The following TMEM132C variants were observed in gnomAD, a reference collection of about 807,000 sequenced individuals.
TMEM132C encodes transmembrane protein 132C.
Under a neutral mutation model 61.4 loss-of-function variants are expected in TMEM132C, and 29 were observed. The ratio of observed to expected loss-of-function variants is 0.47; its 90% CI spans 0.35 to 0.64. The LOEUF (loss-of-function observed/expected upper bound fraction) is 0.64, where lower values mean the gene tolerates loss of function less well. TMEM132C is among the 30% of genes least tolerant of loss of function. TMEM132C has a pLI of 0.00. For synonymous variants in TMEM132C, 656 were observed against 633.1 expected (o/e 1.04, Z -0.54); for missense variants, 1,408 against 1,476.9 (o/e 0.95, Z 0.76).
intron 2 of TMEM132C, among the ~76,000 whole-genome samples, chr12:128,452,601 T>G (rs370428634): frequency 0.028 from 4,148 of 149,920 alleles, 186 homozygotes; most frequent in African/African-American, 0.094. Flanking sequence ...GGGGGCCGGG[T>G]GCTGAGGTAG....
intron 2 of TMEM132C, among the ~76,000 whole-genome samples, chr12:128,540,757 G>A (rs772016273): frequency 6.6e-6 from 1 of 152,100 alleles, no homozygotes; most frequent in Admixed American, 6.6e-5. Flanking sequence ...TTCTCCCATC[G>A]GCAAGTGAGT....
intron 2 of TMEM132C, among the ~76,000 whole-genome samples, chr12:128,498,887 G>A (rs1395343393): frequency 6.6e-6 from 1 of 152,024 alleles, no homozygotes; most frequent in Non-Finnish European, 1.5e-5. Context: ...CTGAATAAAT[G>A]TAAAAACATC....
At chr12:128,328,885 G>A (rs1256197590) in intron 1 of TMEM132C, among the ~76,000 whole-genome samples, 1 of 151,940 alleles carries the variant, frequency 6.6e-6, no homozygotes, top group Non-Finnish European at 1.5e-5. Context: ...AAGTAGCTAA[G>A]GTTGTCGGAC....
intron 5 of TMEM132C, among the ~76,000 whole-genome samples, chr12:128,677,296 A>T (rs1954598176): frequency 6.6e-6 from 1 of 152,162 alleles, no homozygotes; most frequent in Non-Finnish European, 1.5e-5. Flanking sequence ...TGTGCCGGCC[A>T]TTTTCTAGGT....
chr12:128,402,814 G>A (rs1875214369), intron 1 of TMEM132C, among the ~76,000 whole-genome samples: 1 of 152,222 alleles, frequency 6.6e-6, no homozygotes, highest in Non-Finnish European at 1.5e-5. Context: ...ATTTCCCTCT[G>A]TGCCTACCTA....
At position 128,577,587 on chromosome 12, in the gene TMEM132C, A is replaced by C. The variant is rs1027522714; in HGVS notation, c.1121+33484A>C. ...AGCCTTGAAAATGTTCCTTTCGGAA[A>C]CTAATTGGCCCATCAAGGGATTGAA... is the stretch of plus-strand genomic sequence containing the variant. On this transcript the variant is annotated intron_variant, in intron 3 of 8. Coordinates refer to ENST00000435159, the MANE Select transcript of TMEM132C (RefSeq NM_001136103.3). 3.2e-4 allele frequency among the ~76,000 whole-genome samples: 49 copies of C among 152,242 alleles called. 1 individual carries two copies. The highest frequency in any genetic ancestry group is 3.2e-3 in the Middle Eastern group (1 of 316).
chr12:128,356,349 A>G (rs1010694103), intron 1 of TMEM132C, among the ~76,000 whole-genome samples: 5 of 152,214 alleles, frequency 3.3e-5, no homozygotes, highest in Non-Finnish European at 4.4e-5. Context: ...GGCAGGATCC[A>G]CAGGCTCTGG....
intron 3 of TMEM132C, among the ~76,000 whole-genome samples, chr12:128,598,908 G>A (rs1205546903): frequency 6.6e-6 from 1 of 152,106 alleles, no homozygotes; most frequent in African/African-American, 2.4e-5. Flanking sequence ...GGCTTGTCTA[G>A]TTTCAATCCA....
At chr12:128,650,845 C>A (rs536227400) in intron 4 of TMEM132C, among the ~76,000 whole-genome samples, 1 of 152,286 alleles carries the variant, frequency 6.6e-6, no homozygotes, top group East Asian at 1.9e-4. Flanking sequence ...CTTGAAATGT[C>A]CCATTTACAT....
chr12:128,393,201 C>T (rs1874826785), intron 1 of TMEM132C, among the ~76,000 whole-genome samples: 1 of 152,214 alleles, frequency 6.6e-6, no homozygotes, highest in Non-Finnish European at 1.5e-5. Context: ...CAATCTTCCT[C>T]TTTTGAAATA....
At chr12:128,439,627 G>C (rs925946064) in intron 2 of TMEM132C, among the ~76,000 whole-genome samples, 1 of 152,036 alleles carries the variant, frequency 6.6e-6, no homozygotes, top group East Asian at 1.9e-4. Flanking sequence ...TTTTTCAGCA[G>C]GATGAAGCAA....
At chr12:128,378,814 G>A (rs1468497550) in intron 1 of TMEM132C, among the ~76,000 whole-genome samples, 3 of 152,174 alleles carry the variant, frequency 2.0e-5, no homozygotes, top group East Asian at 1.9e-4. Flanking sequence ...CCCACGTATC[G>A]TGGGAGGGAC....
chr12:128,656,361 C>T (rs1022937912), intron 4 of TMEM132C, among the ~76,000 whole-genome samples: 1 of 152,164 alleles, frequency 6.6e-6, no homozygotes, highest in African/African-American at 2.4e-5. Flanking sequence ...TAGCAAATGG[C>T]TTTTATGTCC....
intron 2 of TMEM132C, among the ~76,000 whole-genome samples, chr12:128,483,936 G>C (rs1472684730): frequency 6.6e-6 from 1 of 152,134 alleles, no homozygotes; most frequent in Non-Finnish European, 1.5e-5. Context: ...ACTCTACATT[G>C]CTGTGATCTA....
chr12:128,491,801 C>T (rs956483995), intron 2 of TMEM132C, among the ~76,000 whole-genome samples: 24 of 152,066 alleles, frequency 1.6e-4, no homozygotes, highest in African/African-American at 5.5e-4. Flanking sequence ...CTGCTTACCC[C>T]ACTGTCCTCT....
chr12:128,688,140 A>C lies in TMEM132C; in HGVS notation c.1450-5689A>C, dbSNP rs146369651. 5.1e-4 allele frequency among the ~76,000 whole-genome samples: 78 copies of C among 152,344 alleles called. No individual in the cohort carries two copies. The East Asian group carries it at 9.3e-3, about 18-fold the overall frequency. On this transcript the variant is annotated intron_variant, in intron 5 of 8. Transcript: ENST00000435159. ...CACGGGCATGCCACAGTTGCTGGAC[A>C]GTGGCCTCTCTCAGCACCTGCCTTT...
chr12:128,480,163 G>A (rs1871274835), intron 2 of TMEM132C, among the ~76,000 whole-genome samples: 1 of 152,156 alleles, frequency 6.6e-6, no homozygotes, highest in African/African-American at 2.4e-5. Flanking sequence ...TGGAAGCTGA[G>A]GTGCAAAGAT....
Position 128,414,803 on chromosome 12 carries a change from T to C in TMEM132C, c.157T>C (p.Tyr53His). 1 of 1,542,668 alleles carries C rather than the reference T, an allele frequency of 6.5e-7. No individual in the cohort carries two copies. The highest frequency in any genetic ancestry group is 8.7e-7 in the Non-Finnish European group (1 of 1,146,924). The change falls in exon 2 of 9, where the codon TAC (tyrosine) becomes CAC (histidine). Residue 53 changes from tyrosine to histidine, a missense_variant. Physicochemically the swap from Tyr to His is moderately conservative, Grantham distance 83 (BLOSUM62 2). Transcript: ENST00000435159. ...SSLPPYLPVS[Y>H]HILRAETSFF... ...ACTGCCACCTTACCTACCTGTGAGCTACCACATCCTCAGAGCAGAGACCTC... is the reference window on the plus strand; with the variant it reads ...ACTGCCACCTTACCTACCTGTGAGCCACCACATCCTCAGAGCAGAGACCTC...
intron 2 of TMEM132C, among the ~76,000 whole-genome samples, chr12:128,450,187 G>T (rs1870132140): frequency 6.6e-6 from 1 of 152,190 alleles, no homozygotes; most frequent in Non-Finnish European, 1.5e-5. Context: ...TGGCTCATTT[G>T]ACGGAGGAAC....
Sources: gnomAD v4.1 joint callset for allele counts (sites outside exome capture counted in the v4.1 genomes callset) on GRCh38, gnomAD v4.1.1 for gene constraint, MANE v1.5 for transcripts, NCBI Gene and HGNC (gene_info 2026-07-23, HGNC 2026-07-21) for gene names.